The following NELL1 variants were observed in gnomAD, a reference collection of about 807,000 sequenced individuals.
NELL1 encodes the protein protein kinase C-binding protein NELL1.
Under a neutral mutation model 107.4 loss-of-function variants are expected in NELL1, and 76 were observed. That is an observed-to-expected ratio of 0.71 (90% confidence interval 0.59 to 0.86). The LOEUF (loss-of-function observed/expected upper bound fraction) is 0.86, where lower values mean the gene tolerates loss of function less well. NELL1 is among the 40% of genes least tolerant of loss of function. NELL1 has a pLI of 0.00. For missense variants in NELL1, 1,024 were observed against 1,005.5 expected, an observed-to-expected ratio of 1.02 and a Z score of -0.25; for synonymous variants, 353 against 341.2, an observed-to-expected ratio of 1.03 and a Z score of -0.38.
chr11:21,219,614 C>T (rs1857702598), intron 13 of NELL1, among the ~76,000 whole-genome samples: 1 of 152,112 alleles, frequency 6.6e-6, no homozygotes, highest in South Asian at 2.1e-4. Context: ...ATTTAGGTCT[C>T]ACATTTAAAT....
chr11:21,280,964 G>A (rs1848978656), intron 14 of NELL1, among the ~76,000 whole-genome samples: 1 of 151,864 alleles, frequency 6.6e-6, no homozygotes, highest in Non-Finnish European at 1.5e-5. Flanking sequence ...AACCTATTGA[G>A]ACACCAGCCA....
intron 13 of NELL1, among the ~76,000 whole-genome samples, chr11:21,188,386 G>A (rs1856978101): frequency 6.6e-6 from 1 of 151,694 alleles, no homozygotes; most frequent in Non-Finnish European, 1.5e-5. Flanking sequence ...CCACAACTCT[G>A]CAAATGTGTT....
At chr11:20,916,807 T>A (rs1177470803) in intron 5 of NELL1, among the ~76,000 whole-genome samples, 3 of 151,952 alleles carry the variant, frequency 2.0e-5, no homozygotes, top group African/African-American at 7.2e-5. Flanking sequence ...AATTTCAGTT[T>A]GGAGGCCTGT....
At chr11:20,793,067 G>T (rs901792537) in intron 3 of NELL1, among the ~76,000 whole-genome samples, 2 of 151,742 alleles carry the variant, frequency 1.3e-5, no homozygotes, top group African/African-American at 2.4e-5. Flanking sequence ...AATTAGAAAA[G>T]GACAGAAAAT....
intron 15 of NELL1, among the ~76,000 whole-genome samples, chr11:21,462,459 A>G (rs1853922440): frequency 6.6e-6 from 1 of 151,968 alleles, no homozygotes; most frequent in African/African-American, 2.4e-5. Flanking sequence ...CCCCTCTACA[A>G]TGTGGCATTT....
At chr11:21,527,795 A>C (rs1199183310) in intron 15 of NELL1, among the ~76,000 whole-genome samples, 2 of 152,202 alleles carry the variant, frequency 1.3e-5, no homozygotes, top group African/African-American at 2.4e-5. Context: ...ATTTGAGGGC[A>C]GGAAGCATCC....
intron 14 of NELL1, among the ~76,000 whole-genome samples, chr11:21,311,367 G>T (rs1187352290): frequency 6.6e-6 from 1 of 152,068 alleles, no homozygotes; most frequent in African/African-American, 2.4e-5. Flanking sequence ...TCACATGCCT[G>T]GGAAAATAAG....
rs1851348923 is a variant in NELL1, at chr11:21,371,014, A to T, written c.1645+66A>T. 7.7e-6 allele frequency: 9 copies of T among 1,169,984 alleles called. No homozygotes were observed. The South Asian group carries it at 1.2e-4, about 16-fold the overall frequency. The allele number at this position is 1,169,984 out of a possible 1,614,324, so 72.5% of individuals were successfully genotyped here. ...GTAGAAAGATTGATTCAGAAAGAATAACAGCTCTTTCTTTAGAAATAATAC... is the reference window on the plus strand; with the variant it reads ...GTAGAAAGATTGATTCAGAAAGAATTACAGCTCTTTCTTTAGAAATAATAC... On this transcript the variant is annotated intron_variant, in intron 15 of 19. Coordinates refer to ENST00000357134, the MANE Select transcript of NELL1 (RefSeq NM_006157.5).
At position 20,847,503 on chromosome 11, in the gene NELL1, G is replaced by A. The variant is rs555416896; in HGVS notation, c.336-80G>A. 64 of 1,405,360 alleles carry A rather than the reference G, an allele frequency of 4.6e-5. No individual in the cohort carries two copies. The East Asian group carries it at 9.5e-4, about 21-fold the overall frequency. 87.1% of individuals were successfully genotyped at this position (1,405,360 alleles called of 1,614,324 possible). On this transcript the variant is annotated intron_variant, in intron 3 of 19. Coordinates refer to ENST00000357134, the MANE Select transcript of NELL1 (RefSeq NM_006157.5). ...CTAATTTTAGATTGTGAGAGACCTG[G>A]TAGTAAGGGGTTGAGGGATTGATGA...
intron 12 of NELL1, among the ~76,000 whole-genome samples, chr11:21,071,506 C>T (rs547536595): frequency 2.4e-4 from 36 of 152,254 alleles, no homozygotes; most frequent in African/African-American, 7.9e-4. Context: ...GAATATTTTG[C>T]GGCTGGAAGA....
rs560773921 is a variant in NELL1, at chr11:20,727,058, T to C, written c.184+48998T>C. Among the ~76,000 whole-genome samples the C allele has an allele frequency of 2.2e-3, 331 of 152,316 alleles. 1 individual carries two copies. The highest frequency in any genetic ancestry group is 7.6e-3 in the African/African-American group (317 of 41,568). On this transcript the variant is annotated intron_variant, in intron 2 of 19. Transcript: ENST00000357134. ...TGTGAATAGTGCCGCAATAAACCTC[T>C]GTGTGCATGTGTCTTTATAGTAGCA...
intron 14 of NELL1, among the ~76,000 whole-genome samples, chr11:21,291,236 G>A (rs1849253114): frequency 6.6e-6 from 1 of 152,068 alleles, no homozygotes; most frequent in African/African-American, 2.4e-5. Flanking sequence ...TGGAAGACAG[G>A]ATATCATTAT....
chr11:21,085,534 G>C (rs533476761), intron 12 of NELL1, among the ~76,000 whole-genome samples: 1 of 152,176 alleles, frequency 6.6e-6, no homozygotes, highest in East Asian at 1.9e-4. Context: ...TACTCAGAAG[G>C]CTCAGGTAGG....
At chr11:21,443,297 T>A (rs114729427) in intron 15 of NELL1, among the ~76,000 whole-genome samples, 3,739 of 152,238 alleles carry the variant, frequency 0.025, 81 homozygotes, top group African/African-American at 0.064. Flanking sequence ...CATGACCTAG[T>A]CAACTCTTGA....
At chr11:21,512,877 C>A (rs1233074335) in intron 15 of NELL1, among the ~76,000 whole-genome samples, 1 of 151,904 alleles carries the variant, frequency 6.6e-6, no homozygotes, top group East Asian at 1.9e-4. Context: ...CCTAACCGAA[C>A]CTATTACCGC....
In NELL1 at chr11:20,669,863, C is replaced by G. The variant is rs1355180436; in HGVS notation, c.55+85C>G. 8.6e-7 allele frequency: 1 copy of G among 1,156,728 alleles called. No homozygotes were observed. 71.7% of individuals were successfully genotyped at this position (1,156,728 alleles called of 1,614,324 possible). A position where few individuals can be genotyped will look rare whatever the true frequency, so the allele number is the denominator to read the frequency against. ...CGGCGTGGGGAGACCTGGAGCCGAG[C>G]TTTGCGCTGGTCTGGGGAACGGCGG... On this transcript the variant is annotated intron_variant, in intron 1 of 19. Coordinates refer to ENST00000357134, the MANE Select transcript of NELL1 (RefSeq NM_006157.5). The surrounding 1 kb of genome is among the most constrained non-coding windows in gnomAD (Gnocchi z 4.4).
intron 16 of NELL1, among the ~76,000 whole-genome samples, chr11:21,554,055 C>T (rs1450641921): frequency 6.6e-6 from 1 of 151,800 alleles, no homozygotes; most frequent in Non-Finnish European, 1.5e-5. Flanking sequence ...ACTGTAGCCT[C>T]TGTGCAGTAA....
intron 14 of NELL1, among the ~76,000 whole-genome samples, chr11:21,329,861 T>C (rs536448076): frequency 2.6e-5 from 4 of 152,290 alleles, no homozygotes; most frequent in African/African-American, 9.6e-5. Flanking sequence ...CATAGTTCTG[T>C]TTTCTCTTCT....
intron 2 of NELL1, among the ~76,000 whole-genome samples, chr11:20,739,623 G>A (rs780723492): frequency 2.0e-5 from 3 of 152,148 alleles, no homozygotes; most frequent in Admixed American, 6.5e-5. Flanking sequence ...AAGGGATGGA[G>A]GTCCTTGCTC....
Sources: allele counts gnomAD v4.1 joint callset (sites outside exome capture counted in the v4.1 genomes callset), GRCh38; gene constraint gnomAD v4.1.1; non-coding constraint Gnocchi (gnomAD v3.1); transcripts MANE v1.5; gene names NCBI Gene and HGNC (gene_info 2026-07-23, HGNC 2026-07-21).